VPS37A: variants seen among roughly 807,000 people sequenced by gnomAD.
VPS37A encodes the protein VPS37A subunit of ESCRT-I, also known as vacuolar protein sorting-associated protein 37A.
In VPS37A, 30 loss-of-function variants were observed where a neutral mutation model predicts 49.8. That is an observed-to-expected ratio of 0.60 (90% CI 0.45 to 0.82). VPS37A has a LOEUF of 0.82. Ranked by LOEUF, VPS37A falls within the 40% of genes least tolerant of loss-of-function variation. VPS37A has a pLI of 0.00. For missense variants in VPS37A, 593 were observed against 464.4 expected, an observed-to-expected ratio of 1.28 and a Z score of -2.55; for synonymous variants, 195 against 160.6, an observed-to-expected ratio of 1.21 and a Z score of -1.62.
At chr8:17,272,125 A>T in intron 4 of VPS37A, 1 of 455,862 alleles carries the variant, frequency 2.2e-6, no homozygotes, top group South Asian at 1.6e-5. Flanking sequence ...CCACTAATAA[A>T]AAGTTCTCCT....
chr8:17,306,028 AC>A, downstream of VPS37A: 2 of 1,309,672 alleles, frequency 1.5e-6, no homozygotes, highest in Non-Finnish European at 2.1e-6. Context: ...AAATGCAAAA[AC>A]AACCATAAAA....
Position 17,256,290 on chromosome 8 carries a change from A to ATTTTTTTTT in VPS37A, c.125+8941_125+8949dup, listed in dbSNP as rs529736602. On this transcript the variant is annotated intron_variant, in intron 1 of 11. Coordinates refer to ENST00000324849, the MANE Select transcript of VPS37A (RefSeq NM_152415.3). ...AAGTCTTTTTAGCTGGGGTAAAATG[A>ATTTTTTTTT]TTTTTTTTTTTTTTTTTTTTTTTTT... Among the ~76,000 whole-genome samples, 9 of 60,404 alleles carry ATTTTTTTTT rather than the reference A, an allele frequency of 1.5e-4. 3 individuals are homozygous for ATTTTTTTTT. The highest frequency in any genetic ancestry group is 5.1e-4 in the African/African-American group (7 of 13,740). The allele number at this position is 60,404 out of a possible 152,430, so 39.6% of individuals were successfully genotyped here.
chr8:17,302,707 C>G (rs1180422052), downstream of VPS37A, among the ~76,000 whole-genome samples: 1 of 54,640 alleles, frequency 1.8e-5, no homozygotes, highest in African/African-American at 4.4e-5. Context: ...GCAATAACCC[C>G]CCCCCCCCCG....
chr8:17,319,839 C>T, the VPS37A span, among the ~76,000 whole-genome samples: 30 of 152,222 alleles, frequency 2.0e-4, no homozygotes, highest in Non-Finnish European at 3.7e-4. Context: ...CAGCAGGAAC[C>T]AATCTTGGTT....
chr8:17,288,856 T>C (rs1178071761), intron 11 of VPS37A, among the ~76,000 whole-genome samples: 1 of 152,222 alleles, frequency 6.6e-6, no homozygotes, highest in African/African-American at 2.4e-5. Flanking sequence ...GGTGTTCCTA[T>C]TTCTCCACAT....
chr8:17,258,944 A>T (rs992386919), intron 1 of VPS37A, among the ~76,000 whole-genome samples: 1 of 152,026 alleles, frequency 6.6e-6, no homozygotes, highest in African/African-American at 2.4e-5. Context: ...CTGTGGTCTC[A>T]GTTGTCACAT....
chr8:17,313,389 T>A, the VPS37A span: 1 of 1,610,472 alleles, frequency 6.2e-7, no homozygotes, highest in Admixed American at 1.7e-5. Flanking sequence ...GGAGGGAGAT[T>A]TAAGTTCACA....
intron 11 of VPS37A, among the ~76,000 whole-genome samples, chr8:17,286,950 C>T (rs975924637): frequency 5.3e-5 from 8 of 152,156 alleles, no homozygotes; most frequent in East Asian, 1.9e-4. Flanking sequence ...TGTAATTAAT[C>T]GCTAGTAATG....
the VPS37A span, among the ~76,000 whole-genome samples, chr8:17,330,931 A>G: frequency 2.0e-5 from 3 of 152,226 alleles, no homozygotes; most frequent in Non-Finnish European, 4.4e-5. Flanking sequence ...ACCATTGTAG[A>G]GTCCCTGACT....
chr8:17,288,228 T>TATG (rs1815798124), intron 11 of VPS37A, among the ~76,000 whole-genome samples: 1 of 152,144 alleles, frequency 6.6e-6, no homozygotes, highest in Non-Finnish European at 1.5e-5. Flanking sequence ...AAATCTTTTT[T>TATG]ATTATTATTA....
the VPS37A span, among the ~76,000 whole-genome samples, chr8:17,314,031 T>C: frequency 6.6e-6 from 1 of 152,180 alleles, no homozygotes; most frequent in African/African-American, 2.4e-5. Context: ...GAAGAAAACC[T>C]AGGATCCCAG....
At chr8:17,263,598 A>C (rs1286855204) in intron 1 of VPS37A, among the ~76,000 whole-genome samples, 1 of 152,230 alleles carries the variant, frequency 6.6e-6, no homozygotes, top group Admixed American at 6.5e-5. Flanking sequence ...CCAATTATTT[A>C]GATAAAAATT....
At chr8:17,306,603 C>T (rs547019380), downstream of VPS37A, among the ~76,000 whole-genome samples, 1 of 152,108 alleles carries the variant, frequency 6.6e-6, no homozygotes, top group Non-Finnish European at 1.5e-5. Context: ...CTTTACACTA[C>T]TGTGTGAGTT....
At chr8:17,278,736 C>A (rs975283690) in intron 6 of VPS37A, among the ~76,000 whole-genome samples, 3 of 152,008 alleles carry the variant, frequency 2.0e-5, no homozygotes, top group Non-Finnish European at 4.4e-5. Context: ...TAGGATATGA[C>A]ATGCCAGAAT....
At chr8:17,322,914 C>A in the VPS37A span, among the ~76,000 whole-genome samples, 8 of 151,482 alleles carry the variant, frequency 5.3e-5, no homozygotes, top group African/African-American at 7.3e-5. Flanking sequence ...TCTTAATGAA[C>A]CTTCACAACC....
At chr8:17,287,842 G>C (rs1336629725) in intron 11 of VPS37A, among the ~76,000 whole-genome samples, 1 of 152,126 alleles carries the variant, frequency 6.6e-6, no homozygotes, top group Non-Finnish European at 1.5e-5. Flanking sequence ...TCCTACTGTA[G>C]TCAGTTTGGC....
At chr8:17,284,717 T>G in intron 10 of VPS37A, 101 bp downstream of exon 10, 1 of 1,336,204 alleles carries the variant, frequency 7.5e-7, no homozygotes, top group Non-Finnish European at 1.0e-6. Flanking sequence ...TATTATGATA[T>G]CATCCCCCTT....
intron 4 of VPS37A, among the ~76,000 whole-genome samples, chr8:17,273,152 G>T (rs1235682331): frequency 6.7e-6 from 1 of 149,712 alleles, no homozygotes; most frequent in African/African-American, 2.5e-5. Context: ...TGTTTTATGG[G>T]TGTATTATAA....
intron 10 of VPS37A, 104 bp downstream of exon 10, chr8:17,284,720 T>TC: frequency 1.5e-6 from 2 of 1,322,668 alleles, no homozygotes; most frequent in East Asian, 5.5e-5. Flanking sequence ...TATGATATCA[T>TC]CCCCCTTTTT....
Sources: allele counts gnomAD v4.1 joint callset (sites outside exome capture counted in the v4.1 genomes callset), GRCh38; gene constraint gnomAD v4.1.1; transcripts MANE v1.5; gene names NCBI Gene and HGNC (gene_info 2026-07-23, HGNC 2026-07-21).